The following MOB1B variants were observed in gnomAD, a reference collection of about 807,000 sequenced individuals.
The protein encoded by MOB1B is MOB1 Mps One Binder homolog B.
A neutral mutation model predicts 24.4 loss-of-function variants in MOB1B; 19 were observed. That is an observed-to-expected ratio of 0.78 (90% CI 0.54 to 1.14). The LOEUF is 1.14. Among genes scored for constraint, MOB1B ranks in the 50% most tolerant of loss-of-function variants. The probability of loss-of-function intolerance (pLI) is 0.00; values close to 1 mark genes in which losing one functional copy is unlikely to be tolerated. For missense variants in MOB1B, 243 were observed against 259.6 expected, an observed-to-expected ratio of 0.94 and a Z score of 0.44; for synonymous variants, 76 against 82.1, an observed-to-expected ratio of 0.93 and a Z score of 0.40.
At chr4:70,935,216 C>T (rs996690320) in intron 1 of MOB1B, among the ~76,000 whole-genome samples, 4 of 152,152 alleles carry the variant, frequency 2.6e-5, no homozygotes, top group Non-Finnish European at 2.9e-5. Context: ...ACAAATGACC[C>T]TATGTGGGCT....
intron 2 of MOB1B, 42 bp from the exon 3 acceptor site, chr4:70,969,889 T>G (rs1738686242): frequency 1.8e-6 from 2 of 1,099,330 alleles, no homozygotes; most frequent in Non-Finnish European, 2.7e-6. Flanking sequence ...CATTTTAAAT[T>G]TAGCCATTCT....
At chr4:70,930,174 A>G (rs545350320) in intron 1 of MOB1B, among the ~76,000 whole-genome samples, 2 of 152,346 alleles carry the variant, frequency 1.3e-5, no homozygotes, top group East Asian at 3.9e-4. Context: ...GATTTCACAA[A>G]CTGAGATATT....
chr4:70,908,110 C>G (rs956870775), intron 1 of MOB1B, among the ~76,000 whole-genome samples: 1 of 151,426 alleles, frequency 6.6e-6, no homozygotes, highest in African/African-American at 2.4e-5. Context: ...ACTGCAACCT[C>G]CACCTCCCGG....
chr4:70,914,414 A>G (rs886745094), intron 1 of MOB1B, among the ~76,000 whole-genome samples: 1 of 152,044 alleles, frequency 6.6e-6, no homozygotes, highest in Non-Finnish European at 1.5e-5. Flanking sequence ...ATATTTTTTT[A>G]TCTTACACTT....
At chr4:70,902,284 G>A, upstream of MOB1B, 1 of 587,544 alleles carries the variant, frequency 1.7e-6, no homozygotes, top group Non-Finnish European at 3.1e-6. Context: ...GGGGCTCGCG[G>A]AGAGCCTGCC....
chr4:70,953,876 G>A (rs780270192), intron 1 of MOB1B, among the ~76,000 whole-genome samples: 7 of 152,078 alleles, frequency 4.6e-5, no homozygotes, highest in Non-Finnish European at 7.4e-5. Context: ...CTTGGGAGGC[G>A]GAGGTTTCAA....
chr4:70,987,168 A>G lies in MOB1B; in HGVS notation c.*5111A>G, dbSNP rs1011518768. On this transcript the variant is annotated 3_prime_UTR_variant, in exon 6 of 6. Coordinates refer to ENST00000309395, the MANE Select transcript of MOB1B (RefSeq NM_173468.4). ...ATTCTGAAGTATTTACTGTCAATTC[A>G]TAGGTTTCAGTTTATTTAGGAAATT... 20 of 152,114 alleles carry G rather than the reference A, an allele frequency of 1.3e-4. No homozygotes were observed. The highest frequency in any genetic ancestry group is 4.1e-4 in the South Asian group (2 of 4,830). 9.4% of individuals were successfully genotyped at this position (152,114 alleles called of 1,614,324 possible). A position where few individuals can be genotyped will look rare whatever the true frequency, so the allele number is the denominator to read the frequency against.
intron 1 of MOB1B, among the ~76,000 whole-genome samples, chr4:70,943,619 A>G (rs536186787): frequency 1.3e-5 from 2 of 152,234 alleles, no homozygotes. Context: ...ACCCAAGTGA[A>G]TAAGACATAT....
intron 4 of MOB1B, among the ~76,000 whole-genome samples, chr4:70,978,702 A>G (rs1043294638): frequency 1.3e-5 from 2 of 152,240 alleles, no homozygotes; most frequent in African/African-American, 4.8e-5. Flanking sequence ...AGTAATTCCC[A>G]TAGAAAAAAG....
At chr4:70,902,324 G>C (rs1735538798), upstream of MOB1B, 4 of 645,822 alleles carry the variant, frequency 6.2e-6, no homozygotes, top group South Asian at 1.7e-5. Context: ...CTCCCCTGGA[G>C]TGATTCAAGA....
chr4:70,939,093 G>C lies in MOB1B; in HGVS notation c.15-19781G>C, dbSNP rs116339574. Among the ~76,000 whole-genome samples the C allele has an allele frequency of 3.3e-3, 509 of 152,276 alleles. 3 individuals are homozygous for C. Among genetic ancestry groups the C allele is most frequent in the African/African-American group, 0.012 (499 of 41,570 alleles). On this transcript the variant is annotated intron_variant, in intron 1 of 5. Transcript: ENST00000309395. ...CAAATTTGTTGAAAAAAGATTTTAA[G>C]AATATCTACTAATACACTGCAGTGA...
rs1736508440 is a variant in MOB1B at position 70,923,245 on chromosome 4, C to A, written c.14+20695C>A. On this transcript the variant is annotated intron_variant, in intron 1 of 5. Transcript: ENST00000309395. ...AGGAGGGCTCAGAACTTCTAGACCT[C>A]AGAACCTCTGCAAGAGCATCCTCTT... Among the ~76,000 whole-genome samples, 3 of 152,166 alleles carry A rather than the reference C, an allele frequency of 2.0e-5. No individual in the cohort carries two copies. In the South Asian group the frequency reaches 6.2e-4, roughly 31 times the overall value.
intron 1 of MOB1B, among the ~76,000 whole-genome samples, chr4:70,902,906 A>G (rs1735575660): frequency 6.6e-6 from 1 of 152,018 alleles, no homozygotes; most frequent in South Asian, 2.1e-4. Context: ...CGCCTGCACA[A>G]TCCGTATCCA....
chr4:70,960,040 T>C (rs1738240392), intron 2 of MOB1B, among the ~76,000 whole-genome samples: 1 of 152,034 alleles, frequency 6.6e-6, no homozygotes, highest in Non-Finnish European at 1.5e-5. Flanking sequence ...CGCACCACCA[T>C]GTCCGGCTAA....
chr4:70,944,914 A>G (rs1344760359), intron 1 of MOB1B, among the ~76,000 whole-genome samples: 3 of 152,204 alleles, frequency 2.0e-5, no homozygotes, highest in Admixed American at 6.5e-5. Context: ...ATTGGGGATT[A>G]CAATTCAACA....
intron 1 of MOB1B, among the ~76,000 whole-genome samples, chr4:70,925,840 C>A (rs1303099573): frequency 1.3e-5 from 2 of 152,188 alleles, no homozygotes; most frequent in African/African-American, 4.8e-5. Flanking sequence ...GATCCCCGTA[C>A]TGTCCTTTCA....
intron 1 of MOB1B, among the ~76,000 whole-genome samples, chr4:70,907,494 G>A (rs1026714807): frequency 3.3e-5 from 5 of 152,102 alleles, no homozygotes; most frequent in African/African-American, 4.8e-5. Context: ...TATTTGGAAC[G>A]GAGTTAAAAC....
chr4:70,965,116 G>A (rs1738459684), intron 2 of MOB1B, among the ~76,000 whole-genome samples: 1 of 151,776 alleles, frequency 6.6e-6, no homozygotes, highest in South Asian at 2.1e-4. Context: ...GGCCAACATG[G>A]TGGAACCCCG....
intron 1 of MOB1B, among the ~76,000 whole-genome samples, chr4:70,928,258 AT>A (rs945496959): frequency 6.7e-6 from 1 of 148,302 alleles, no homozygotes; most frequent in African/African-American, 2.5e-5. Flanking sequence ...CTTAGTAACA[AT>A]TTTTTTTCCT....
Sources: gnomAD v4.1 joint callset for allele counts (sites outside exome capture counted in the v4.1 genomes callset) on GRCh38, gnomAD v4.1.1 for gene constraint, MANE v1.5 for transcripts, NCBI Gene and HGNC (gene_info 2026-07-23, HGNC 2026-07-21) for gene names.